Variants in CCDC14 observed in about 807,000 individuals in gnomAD.
CCDC14 encodes the protein coiled-coil domain-containing protein 14.
In CCDC14, 71 loss-of-function variants were observed where a neutral mutation model predicts 81.4. The ratio of observed to expected loss-of-function variants is 0.87; its 90% CI spans 0.72 to 1.06. The LOEUF is 1.06. Among genes scored for constraint, CCDC14 ranks in the 50% least tolerant of loss-of-function variants. The pLI is 0.00. For missense variants in CCDC14, 1,046 were observed against 1,047.3 expected (o/e 1.00, Z 0.02); for synonymous variants, 332 against 364.8 (o/e 0.91, Z 1.03).
intron 9 of CCDC14, among the ~76,000 whole-genome samples, chr3:123,936,969 G>T (rs904826764): frequency 6.6e-6 from 1 of 151,962 alleles, no homozygotes; most frequent in Non-Finnish European, 1.5e-5. Flanking sequence ...TGGAATTATG[G>T]AATATATACT....
chr3:123,944,887 G>A lies in CCDC14; in HGVS notation c.1305C>T (p.Ala435=). The A allele has an allele frequency of 6.2e-7, 1 of 1,611,542 alleles. No individual in the cohort carries two copies. The highest frequency in any genetic ancestry group is 8.5e-7 in the Non-Finnish European group (1 of 1,178,296). ...NTDIQVEIAL[A]MQPLRSENAQ... is the part of the protein sequence containing the mutation. ...CATTCTCACTTCTTAATGGTTGCATGGCCAGTGCTATCTCAACTTGAATAT... is the reference window on the plus strand; with the variant it reads ...CATTCTCACTTCTTAATGGTTGCATAGCCAGTGCTATCTCAACTTGAATAT... Residue 435 remains alanine, a synonymous_variant, in exon 9 of 13, where the codon GCC becomes GCT. Coordinates refer to ENST00000409697, the MANE Select transcript of CCDC14 (RefSeq NM_001366335.1).
At chr3:123,931,574 T>G (rs1388145010) in intron 10 of CCDC14, 48 bp from the exon 11 acceptor site, 3 of 1,040,822 alleles carry the variant, frequency 2.9e-6, no homozygotes, top group African/African-American at 3.6e-5. Flanking sequence ...ACCTAAAAAG[T>G]ACAAACTTGG....
intron 9 of CCDC14, among the ~76,000 whole-genome samples, chr3:123,942,371 C>A (rs2036393711): frequency 6.6e-6 from 1 of 152,012 alleles, no homozygotes; most frequent in Admixed American, 6.6e-5. Flanking sequence ...TTATTATTTA[C>A]TCACTTTTGG....
chr3:123,931,612 A>G, intron 10 of CCDC14, 86 bp from the exon 11 acceptor site: 1 of 716,124 alleles, frequency 1.4e-6, no homozygotes, highest in Non-Finnish European at 2.2e-6. Flanking sequence ...AAAAAAAAAA[A>G]AAAAGGCCTG....
intron 7 of CCDC14, 54 bp downstream of exon 7, chr3:123,948,636 CT>C (rs1313674692): frequency 7.9e-7 from 1 of 1,270,350 alleles, no homozygotes; most frequent in Non-Finnish European, 1.1e-6. Flanking sequence ...ACAGTCCCTC[CT>C]GAATGACTGC....
At chr3:123,923,510 A>G (rs926177132) in intron 12 of CCDC14, among the ~76,000 whole-genome samples, 5 of 152,078 alleles carry the variant, frequency 3.3e-5, no homozygotes, top group Non-Finnish European at 5.9e-5. Flanking sequence ...ACACGATTTT[A>G]TACACAGAAA....
rs1212554256 is a variant in CCDC14 at position 123,961,129 on chromosome 3, G to A, written c.30+15C>T. 4 of 1,549,250 alleles carry A rather than the reference G, an allele frequency of 2.6e-6. No individual in the cohort carries two copies. In the Admixed American group the frequency reaches 5.9e-5, roughly 23 times the overall value. On this transcript the variant is annotated intron_variant, in intron 1 of 12. Transcript: ENST00000409697. Reference sequence around the variant, plus strand: ...TCCATCCCCACAGCGGACTCCTCAGGTCCTCAGCCCTCACCTGGCCCGGTC... The same window carrying A: ...TCCATCCCCACAGCGGACTCCTCAGATCCTCAGCCCTCACCTGGCCCGGTC...
Position 123,914,679 on chromosome 3 carries a change from C to T in CCDC14, c.*100G>A. 2.1e-6 allele frequency: 3 copies of T among 1,437,062 alleles called. No homozygotes were observed. The highest frequency in any genetic ancestry group is 2.5e-5 in the East Asian group (1 of 39,962). The allele number at this position is 1,437,062 out of a possible 1,614,324, so 89.0% of individuals were successfully genotyped here. A position where few individuals can be genotyped will look rare whatever the true frequency, so the allele number is the denominator to read the frequency against. On this transcript the variant is annotated 3_prime_UTR_variant, in exon 13 of 13. Transcript: ENST00000409697. ...TACTTGTACAATATATTACTTCACA[C>T]ATAATAACATAAAACATCATTTCAC...
At chr3:123,897,044 A>T (rs1435923281), downstream of CCDC14, among the ~76,000 whole-genome samples, 1 of 152,194 alleles carries the variant, frequency 6.6e-6, no homozygotes, top group Non-Finnish European at 1.5e-5. Flanking sequence ...AGGAGATAAA[A>T]TCATACAACT....
At chr3:123,949,848 A>G (rs560772447) in intron 5 of CCDC14, among the ~76,000 whole-genome samples, 1 of 152,138 alleles carries the variant, frequency 6.6e-6, no homozygotes, top group South Asian at 2.1e-4. Context: ...ACTCTTCACC[A>G]CCCTAGAGCA....
At chr3:123,915,831 T>C in intron 12 of CCDC14, 113 bp from the exon 13 acceptor site, 1 of 779,416 alleles carries the variant, frequency 1.3e-6, no homozygotes, top group Middle Eastern at 3.0e-4. Context: ...TGGTTCTTAA[T>C]ATGAAAACAA....
At chr3:123,917,859 T>G (rs1042403112) in intron 12 of CCDC14, among the ~76,000 whole-genome samples, 1 of 151,712 alleles carries the variant, frequency 6.6e-6, no homozygotes, top group African/African-American at 2.4e-5. Context: ...AATATCCTAC[T>G]GGTCTACACA....
intron 10 of CCDC14, among the ~76,000 whole-genome samples, chr3:123,932,457 AG>A (rs2035791615): frequency 6.6e-6 from 1 of 152,162 alleles, no homozygotes; most frequent in Non-Finnish European, 1.5e-5. Context: ...TTGATTTATA[AG>A]ACATATTTAT....
intron 5 of CCDC14, among the ~76,000 whole-genome samples, chr3:123,950,133 GT>G (rs372059984): frequency 1.0e-3 from 152 of 152,160 alleles, no homozygotes; most frequent in African/African-American, 3.4e-3. Context: ...CTTCCCAAAG[GT>G]TTTTTAAAAC....
At chr3:123,892,235 A>AC in the CCDC14 span, among the ~76,000 whole-genome samples, 1 of 152,130 alleles carries the variant, frequency 6.6e-6, no homozygotes, top group East Asian at 1.9e-4. Flanking sequence ...CCTTCTGTGC[A>AC]CCCCCAGGCC....
chr3:123,935,452 C>T (rs2036001082), intron 9 of CCDC14, among the ~76,000 whole-genome samples: 2 of 152,134 alleles, frequency 1.3e-5, no homozygotes, highest in Admixed American at 6.5e-5. Flanking sequence ...GCATCTCCCA[C>T]CTTGTAGATA....
downstream of CCDC14, among the ~76,000 whole-genome samples, chr3:123,909,309 G>A (rs898079283): frequency 6.6e-6 from 1 of 152,130 alleles, no homozygotes; most frequent in Non-Finnish European, 1.5e-5. Context: ...TTTTCCTCTT[G>A]GATAGTTGGT....
rs2034553289 is a variant in CCDC14 at position 123,914,638 on chromosome 3, TCAA to T, written c.*138_*140del. On this transcript the variant is annotated 3_prime_UTR_variant, in exon 13 of 13. Transcript: ENST00000409697. ...ATAAGCTCCTCAGTGTCAATATATC[TCAA>T]CAATACATTTATTACTTGTACAATA... The T allele has an allele frequency of 2.9e-6, 4 of 1,361,516 alleles. No individual in the cohort carries two copies. Among genetic ancestry groups the T allele is most frequent in the Non-Finnish European group, 3.8e-6 (4 of 1,059,776 alleles). The allele number at this position is 1,361,516 out of a possible 1,614,324, so 84.3% of individuals were successfully genotyped here.
chr3:123,961,050 C>A (rs1166749977), intron 1 of CCDC14, 94 bp downstream of exon 1: 4 of 1,137,876 alleles, frequency 3.5e-6, no homozygotes, highest in Non-Finnish European at 4.9e-6. Context: ...TTGTCTTTGT[C>A]TTTTTTCGAG....
Sources: gnomAD v4.1 joint callset for allele counts (sites outside exome capture counted in the v4.1 genomes callset) on GRCh38, gnomAD v4.1.1 for gene constraint, MANE v1.5 for transcripts, NCBI Gene and HGNC (gene_info 2026-07-23, HGNC 2026-07-21) for gene names.